Variants in GREP1 observed in about 807,000 individuals in gnomAD.
GREP1 encodes the protein glycine-rich extracellular protein 1.
chr16:2,996,510 A>C (rs1208259600), exon 19 of GREP1: 1 of 398,840 alleles, frequency 2.5e-6, no homozygotes, highest in Non-Finnish European at 4.4e-6. Context: ...TGGCCATGGA[A>C]ATGGACCGGG....
intron 26 of GREP1, 57 bp downstream of exon 24, chr16:2,999,036 G>T: frequency 2.5e-6 from 1 of 399,104 alleles, no homozygotes; most frequent in Non-Finnish European, 4.4e-6. Flanking sequence ...CCCTATGAGG[G>T]TCAGGGCCTG....
At chr16:2,990,717 A>T in intron 7 of GREP1, 130 bp downstream of exon 6, 1 of 398,352 alleles carries the variant, frequency 2.5e-6, no homozygotes, top group Non-Finnish European at 4.4e-6. Flanking sequence ...CAGGCCTCAG[A>T]GAGGGCAGAA....
In GREP1 at chr16:2,991,299, C is replaced by T; in HGVS notation, c.322+198C>T. On this transcript the variant is annotated intron_variant, in intron 8 of 34. Coordinates refer to ENST00000573315, the Ensembl canonical transcript of GREP1. The surrounding 1 kb of genome is among the most constrained non-coding windows in gnomAD (Gnocchi z 4.9). Reference sequence around the variant, plus strand: ...TGAGGCAGAGCCCTGCCCCGCCTTGCCCACTTATATCCAGGCGCCTCTGGG... The same window carrying T: ...TGAGGCAGAGCCCTGCCCCGCCTTGTCCACTTATATCCAGGCGCCTCTGGG... The T allele has an allele frequency of 2.5e-6, 1 of 393,602 alleles. No homozygotes were observed. Among genetic ancestry groups the T allele is most frequent in the Non-Finnish European group, 4.5e-6 (1 of 223,554 alleles). 24.4% of individuals were successfully genotyped at this position (393,602 alleles called of 1,614,324 possible).
At position 2,992,756 on chromosome 16, in the gene GREP1, T is replaced by C. The variant is rs1446707090; in HGVS notation, c.323-49T>C. ...AGAGGGCAGGGCTCCAGGCCCCAGC[T>C]CATCCCCACTGCACCACCTTCCACA... On this transcript the variant is annotated intron_variant, in intron 8 of 34. Coordinates refer to ENST00000573315, the Ensembl canonical transcript of GREP1. The surrounding 1 kb of genome is among the most constrained non-coding windows in gnomAD (Gnocchi z 4.9). 1.3e-5 allele frequency: 5 copies of C among 399,196 alleles called. No individual in the cohort carries two copies. In the East Asian group the frequency reaches 1.4e-4, roughly 11 times the overall value. 24.7% of individuals were successfully genotyped at this position (399,196 alleles called of 1,614,324 possible).
chr16:2,996,037 A>G (rs558104428), intron 18 of GREP1: 31 of 387,640 alleles, frequency 8.0e-5, no homozygotes, highest in Non-Finnish European at 1.2e-4. Context: ...GGTTCAAACA[A>G]TTCTCCTACC....
intron 14 of GREP1, 72 bp downstream of exon 15, chr16:2,995,388 C>T (rs909531049): frequency 2.5e-6 from 1 of 398,844 alleles, no homozygotes; most frequent in Admixed American, 4.4e-5. Context: ...CCCCCACCTC[C>T]ATCTGTCCCC....
rs545606672 is a variant in GREP1, at chr16:3,001,672, A to G, written c.*86A>G. ...TGCTGCCTGGCCGGGGGTCTCCTCC[A>G]TGCTAGAACCACAAACGTGCTTCCC... On this transcript the variant is annotated 3_prime_UTR_variant, in exon 35 of 35. Transcript: ENST00000573315. The G allele has an allele frequency of 2.8e-5, 11 of 399,082 alleles. No individual in the cohort carries two copies. The South Asian group carries it at 1.3e-3, about 46-fold the overall frequency. The allele number at this position is 399,082 out of a possible 1,614,324, so 24.7% of individuals were successfully genotyped here. A position where few individuals can be genotyped will look rare whatever the true frequency, so the allele number is the denominator to read the frequency against.
intron 27 of GREP1, among the ~76,000 whole-genome samples, chr16:2,999,479 CTTTTTTTT>C (rs35368761): frequency 7.9e-5 from 6 of 75,536 alleles, no homozygotes; most frequent in African/African-American, 1.8e-4. Flanking sequence ...CCCTCTTGCT[CTTTTTTTT>C]TTTTTTTTTT....
rs1289728687 is a variant in GREP1 at position 2,989,331 on chromosome 16, G to A, written c.101-192G>A. On this transcript the variant is annotated intron_variant, in intron 2 of 34. Coordinates refer to ENST00000573315, the Ensembl canonical transcript of GREP1. The surrounding 1 kb of genome is among the most constrained non-coding windows in gnomAD (Gnocchi z 4.2). ...CAGCAGGGAAACTGAGACCTGGAAA[G>A]GGAGGTGGCATCCAGATTTGGGCCC... The A allele has an allele frequency of 2.5e-6, 1 of 396,646 alleles. No homozygotes were observed. Among genetic ancestry groups the A allele is most frequent in the Non-Finnish European group, 4.4e-6 (1 of 225,196 alleles). The allele number at this position is 396,646 out of a possible 1,614,324, so 24.6% of individuals were successfully genotyped here.
In GREP1 at chr16:2,992,495, C is replaced by A; in HGVS notation, c.323-310C>A. On this transcript the variant is annotated intron_variant, in intron 8 of 34. Transcript: ENST00000573315. This position sits in a 1 kb window ranked among gnomAD's most constrained non-coding sequence, Gnocchi z 4.9. ...GAGAGGTCAGGGGCCCAGGGCCACA[C>A]TCTGGGTCCCAACAGATGGGCTCTT... 4.3e-6 allele frequency: 1 copy of A among 234,996 alleles called. No homozygotes were observed. The highest frequency in any genetic ancestry group is 8.2e-6 in the Non-Finnish European group (1 of 122,548). The allele number at this position is 234,996 out of a possible 1,614,324, so 14.6% of individuals were successfully genotyped here. A position where few individuals can be genotyped will look rare whatever the true frequency, so the allele number is the denominator to read the frequency against.
intron 18 of GREP1, among the ~76,000 whole-genome samples, chr16:2,996,286 G>A (rs187283438): frequency 7.9e-5 from 12 of 152,278 alleles, no homozygotes; most frequent in East Asian, 7.7e-4. Context: ...CCAGGGGGCC[G>A]GGAGGGCAGA....
At chr16:3,000,465 T>C (rs558182773) in exon 31 of GREP1, 13 of 399,050 alleles carry the variant, frequency 3.3e-5, no homozygotes, top group Non-Finnish European at 4.9e-5. Flanking sequence ...GTTTTAGGAA[T>C]AGTGAGTCAG....
chr16:2,990,832 T>C (rs2072394921), intron 7 of GREP1, among the ~76,000 whole-genome samples: 1 of 152,062 alleles, frequency 6.6e-6, no homozygotes. Flanking sequence ...CTGCCTCAGC[T>C]CGGTGTGGCT....
chr16:2,991,163 CAG>C lies in GREP1; in HGVS notation c.322+65_322+66del. ...CAGGAGGGAGGGGGAAGGGGCAGAGCAGAGTCAGGGCACCAGGAGCTGGGAGA... is the reference window on the plus strand; with the variant it reads ...CAGGAGGGAGGGGGAAGGGGCAGAGCAGTCAGGGCACCAGGAGCTGGGAGA... On this transcript the variant is annotated intron_variant, in intron 8 of 34. Transcript: ENST00000573315. The surrounding 1 kb of genome is among the most constrained non-coding windows in gnomAD (Gnocchi z 4.9). 1 of 399,182 alleles carries C rather than the reference CAG, an allele frequency of 2.5e-6. No individual in the cohort carries two copies. Among genetic ancestry groups the C allele is most frequent in the East Asian group, 3.6e-5 (1 of 28,068 alleles). 24.7% of individuals were successfully genotyped at this position (399,182 alleles called of 1,614,324 possible).
At position 2,998,931 on chromosome 16, in the gene GREP1, GGCCTGAAATCCCAGCCCCCTTCCGCAGT is replaced by G; in HGVS notation, c.1099_1126del (p.Leu367ArgfsTer16). On this transcript the variant is annotated frameshift_variant, in exon 26 of 35. Coordinates refer to ENST00000573315, the Ensembl canonical transcript of GREP1. LOFTEE classifies it high-confidence loss of function. ...CCCTTCGGACAAAGAGGGTGGCTGG[GGCCTGAAATCCCAGCCCCCTTCCGCAGT>G]GCAGAATGGCAAGTTACCAGGTCAG... 2 of 399,146 alleles carry G rather than the reference GGCCTGAAATCCCAGCCCCCTTCCGCAGT, an allele frequency of 5.0e-6. No individual in the cohort carries two copies. Among genetic ancestry groups the G allele is most frequent in the East Asian group, 3.6e-5 (1 of 28,084 alleles). 24.7% of individuals were successfully genotyped at this position (399,146 alleles called of 1,614,324 possible). A position where few individuals can be genotyped will look rare whatever the true frequency, so the allele number is the denominator to read the frequency against.
Position 2,989,190 on chromosome 16 carries a change from CCCCACAGTCCCCCAGAG to C in GREP1, c.101-329_101-313del. 3.0e-6 allele frequency: 1 copy of C among 335,684 alleles called. No individual in the cohort carries two copies. The allele number at this position is 335,684 out of a possible 1,614,324, so 20.8% of individuals were successfully genotyped here. A position where few individuals can be genotyped will look rare whatever the true frequency, so the allele number is the denominator to read the frequency against. On this transcript the variant is annotated intron_variant, in intron 2 of 34. Coordinates refer to ENST00000573315, the Ensembl canonical transcript of GREP1. This position sits in a 1 kb window ranked among gnomAD's most constrained non-coding sequence, Gnocchi z 4.2. ...GAGGAAGAGGGTGGAGTGGGCTCTG[CCCCACAGTCCCCCAGAG>C]CCCTGGCTCAGACACCTTCCTCCAG... is the stretch of plus-strand genomic sequence containing the variant.
intron 13 of GREP1, 47 bp from the exon 15 acceptor site, chr16:2,995,237 G>A (rs1443514353): frequency 7.5e-6 from 3 of 398,760 alleles, no homozygotes; most frequent in Non-Finnish European, 1.3e-5. Flanking sequence ...GGGTGGATCT[G>A]AGTTGGGGGC....
intron 10 of GREP1, chr16:2,994,440 C>T (rs888900064): frequency 3.3e-5 from 10 of 299,062 alleles, no homozygotes; most frequent in African/African-American, 1.9e-4. Flanking sequence ...ACCCGGGAGG[C>T]GGAGGTTGCA....
exon 18 of GREP1, chr16:2,995,906 G>A (rs1262139167): frequency 7.5e-6 from 3 of 397,878 alleles, no homozygotes; most frequent in African/African-American, 2.1e-5. Flanking sequence ...CTGGAACCCA[G>A]CCAGGTGAGG....
Sources: allele counts gnomAD v4.1 joint callset (sites outside exome capture counted in the v4.1 genomes callset), GRCh38; gene constraint gnomAD v4.1.1; non-coding constraint Gnocchi (gnomAD v3.1); transcripts MANE v1.5; gene names NCBI Gene and HGNC (gene_info 2026-07-23, HGNC 2026-07-21).